The following PPP1R9A variants were observed in gnomAD, a reference collection of about 807,000 sequenced individuals.
PPP1R9A encodes the protein protein phosphatase 1 regulatory subunit 9A.
PPP1R9A carries 59 observed loss-of-function variants against 141.9 expected under a neutral mutation model. The ratio of observed to expected loss-of-function variants is 0.42; its 90% confidence interval spans 0.34 to 0.52. The LOEUF (loss-of-function observed/expected upper bound fraction) is 0.52, where lower values mean the gene tolerates loss of function less well. Ranked by LOEUF, PPP1R9A falls within the 20% of genes least tolerant of loss-of-function variation. The pLI is 0.10. For synonymous variants in PPP1R9A, 500 were observed against 569.7 expected, an observed-to-expected ratio of 0.88 and a Z score of 1.74; for missense variants, 1,444 against 1,611.9, an observed-to-expected ratio of 0.90 and a Z score of 1.78.
chr7:95,040,184 A>T (rs1809027500), intron 2 of PPP1R9A, among the ~76,000 whole-genome samples: 1 of 152,212 alleles, frequency 6.6e-6, no homozygotes, highest in Non-Finnish European at 1.5e-5. Flanking sequence ...TTTATGAAAG[A>T]TAATACAGAT....
At chr7:95,112,460 G>C (rs1387823224) in intron 3 of PPP1R9A, among the ~76,000 whole-genome samples, 1 of 152,140 alleles carries the variant, frequency 6.6e-6, no homozygotes, top group East Asian at 1.9e-4. Context: ...ATACTGTTGG[G>C]GGAAATGTAA....
intron 8 of PPP1R9A, among the ~76,000 whole-genome samples, chr7:95,235,651 T>TC (rs1489453826): frequency 1.3e-5 from 2 of 152,050 alleles, no homozygotes; most frequent in African/African-American, 4.8e-5. Context: ...TATCATTTGA[T>TC]CCAGTGGAAA....
chr7:95,218,102 G>A (rs1793782138), intron 7 of PPP1R9A, among the ~76,000 whole-genome samples: 1 of 152,088 alleles, frequency 6.6e-6, no homozygotes, highest in Admixed American at 6.6e-5. Context: ...TCTCTTGTGG[G>A]CATTTAGTGC....
chr7:95,164,726 T>TTTTTC (rs1405723233), intron 5 of PPP1R9A, among the ~76,000 whole-genome samples: 9 of 145,568 alleles, frequency 6.2e-5, no homozygotes, highest in African/African-American at 2.0e-4. Context: ...ACCATGGTTT[T>TTTTTC]TTTTCTTTTC....
intron 5 of PPP1R9A, among the ~76,000 whole-genome samples, chr7:95,171,291 T>C (rs1288757197): frequency 6.6e-6 from 1 of 151,634 alleles, no homozygotes; most frequent in East Asian, 1.9e-4. Flanking sequence ...GAGATTGTCA[T>C]ATTATATTTT....
intron 2 of PPP1R9A, among the ~76,000 whole-genome samples, chr7:94,938,909 C>T (rs988943628): frequency 1.3e-5 from 2 of 152,080 alleles, no homozygotes; most frequent in South Asian, 2.1e-4. Flanking sequence ...AGACACGTAT[C>T]GTGATGTGGA....
intron 2 of PPP1R9A, among the ~76,000 whole-genome samples, chr7:95,108,313 T>C (rs13227939): frequency 3.3e-5 from 4 of 120,404 alleles, no homozygotes; most frequent in Non-Finnish European, 5.3e-5. Context: ...TTTTCTTTTT[T>C]TTTTTTTTTT....
Position 95,294,083 on chromosome 7 carries a change from T to C in PPP1R9A, c.*3780T>C, listed in dbSNP as rs1806734264. 6.6e-6 allele frequency: 1 copy of C among 152,140 alleles called. No individual in the cohort carries two copies. The highest frequency in any genetic ancestry group is 2.1e-4 in the South Asian group (1 of 4,826). 9.4% of individuals were successfully genotyped at this position (152,140 alleles called of 1,614,324 possible). A position where few individuals can be genotyped will look rare whatever the true frequency, so the allele number is the denominator to read the frequency against. ...GGGCATTTTGGTGGGCAGTGGTCAC[T>C]AGGGTTCACGTCACCTACTTAATGC... is the stretch of plus-strand genomic sequence containing the variant. On this transcript the variant is annotated 3_prime_UTR_variant, in exon 20 of 20. Transcript: ENST00000433360.
chr7:95,070,371 T>C (rs1813588421), intron 2 of PPP1R9A, among the ~76,000 whole-genome samples: 1 of 151,970 alleles, frequency 6.6e-6, no homozygotes, highest in East Asian at 1.9e-4. Context: ...GAAAGAGATG[T>C]TGAAATAATT....
At chr7:95,273,190 C>T (rs550286539) in intron 14 of PPP1R9A, among the ~76,000 whole-genome samples, 1 of 152,178 alleles carries the variant, frequency 6.6e-6, no homozygotes, top group African/African-American at 2.4e-5. Context: ...AAAGATCAGT[C>T]TGCTCTGAAC....
intron 2 of PPP1R9A, among the ~76,000 whole-genome samples, chr7:95,022,890 AT>A (rs1265163776): frequency 2.0e-5 from 3 of 152,144 alleles, no homozygotes; most frequent in Non-Finnish European, 4.4e-5. Flanking sequence ...CCAGTATTTT[AT>A]TGAGGATTTT....
chr7:95,266,410 C>T (rs1801295071), intron 12 of PPP1R9A, among the ~76,000 whole-genome samples: 2 of 151,904 alleles, frequency 1.3e-5, no homozygotes. Context: ...AAATGAGTTT[C>T]CTAGACTAGT....
chr7:95,120,950 C>G, intron 4 of PPP1R9A, 118 bp downstream of exon 4: 2 of 1,325,388 alleles, frequency 1.5e-6, no homozygotes, highest in Non-Finnish European at 2.1e-6. Context: ...TTTCAGGTTT[C>G]TCAGATGTGA....
At chr7:94,936,832 T>C (rs1424234526) in intron 2 of PPP1R9A, among the ~76,000 whole-genome samples, 2 of 152,154 alleles carry the variant, frequency 1.3e-5, no homozygotes, top group Non-Finnish European at 2.9e-5. Context: ...TGGTCATTAA[T>C]TGCTTCCTTG....
At chr7:94,932,222 A>T (rs1331122204) in intron 2 of PPP1R9A, among the ~76,000 whole-genome samples, 1 of 152,172 alleles carries the variant, frequency 6.6e-6, no homozygotes, top group Admixed American at 6.5e-5. Context: ...TTCAAAACAG[A>T]TGAGTACTTA....
intron 2 of PPP1R9A, among the ~76,000 whole-genome samples, chr7:94,984,377 T>C (rs1203632404): frequency 6.6e-6 from 1 of 152,196 alleles, no homozygotes; most frequent in Non-Finnish European, 1.5e-5. Flanking sequence ...TCTCTTTTTC[T>C]ATTGATTGGA....
chr7:95,278,921 A>G (rs1408535496), intron 16 of PPP1R9A, among the ~76,000 whole-genome samples: 2 of 151,916 alleles, frequency 1.3e-5, no homozygotes, highest in Middle Eastern at 3.4e-3. Context: ...AGACATAGAC[A>G]CACACACACA....
intron 4 of PPP1R9A, among the ~76,000 whole-genome samples, chr7:95,138,094 G>A (rs192462116): frequency 0.011 from 1,694 of 151,790 alleles, 38 homozygotes; most frequent in African/African-American, 0.039. Flanking sequence ...CATCACACCC[G>A]GCTAATTTTT....
chr7:94,983,238 T>C (rs1039149709), intron 2 of PPP1R9A, among the ~76,000 whole-genome samples: 17 of 152,212 alleles, frequency 1.1e-4, no homozygotes, highest in Non-Finnish European at 1.5e-4. Context: ...TGTAGCCTTG[T>C]AGTATAGTTT....
Sources: gnomAD v4.1 joint callset for allele counts (sites outside exome capture counted in the v4.1 genomes callset) on GRCh38, gnomAD v4.1.1 for gene constraint, MANE v1.5 for transcripts, NCBI Gene and HGNC (gene_info 2026-07-23, HGNC 2026-07-21) for gene names.